The following BMP6 variants were observed in gnomAD, a reference collection of about 807,000 sequenced individuals.
The protein encoded by BMP6 is VG-1-R.
A neutral mutation model predicts 54.1 loss-of-function variants in BMP6; 17 were observed. The ratio of observed to expected loss-of-function variants is 0.31; its 90% CI spans 0.22 to 0.47. The LOEUF (loss-of-function observed/expected upper bound fraction) is 0.47, where lower values mean the gene tolerates loss of function less well. Ranked by LOEUF, BMP6 falls within the 20% of genes least tolerant of loss-of-function variation. BMP6 has a pLI of 1.00. For missense variants in BMP6, 720 were observed against 690.4 expected (o/e 1.04, Z -0.48); for synonymous variants, 328 against 291.2 (o/e 1.13, Z -1.28).
chr6:7,858,983 A>G (rs267840), intron 2 of BMP6, among the ~76,000 whole-genome samples: 11,482 of 152,030 alleles, frequency 0.076, 620 homozygotes, highest in Middle Eastern at 0.19. Context: ...ACGCAAATTC[A>G]TGGGGCCCCA....
At chr6:7,774,834 G>A (rs1284309083) in intron 1 of BMP6, among the ~76,000 whole-genome samples, 1 of 152,198 alleles carries the variant, frequency 6.6e-6, no homozygotes, top group Non-Finnish European at 1.5e-5. Flanking sequence ...CAATTATAAA[G>A]AAAAGAAAAT....
At chr6:7,806,166 G>A (rs576788061) in intron 1 of BMP6, among the ~76,000 whole-genome samples, 1 of 152,372 alleles carries the variant, frequency 6.6e-6, no homozygotes, top group African/African-American at 2.4e-5. Context: ...GGCAAGCACT[G>A]CTCTGGGGAT....
rs532374754 is a variant in BMP6, at chr6:7,840,839, G to A, written c.665-4301G>A. On this transcript the variant is annotated intron_variant, in intron 1 of 6. Coordinates refer to ENST00000283147, the MANE Select transcript of BMP6 (RefSeq NM_001718.6). ...GAATTATTGCCTCAGAGAACACAGC[G>A]CCGCATTCAGGAGCCAGCCACCAAG... 3.9e-5 allele frequency among the ~76,000 whole-genome samples: 6 copies of A among 152,150 alleles called. No individual in the cohort carries two copies. The South Asian group carries it at 1.0e-3, about 26-fold the overall frequency.
At chr6:7,769,930 T>A (rs1436102765) in intron 1 of BMP6, among the ~76,000 whole-genome samples, 1 of 152,160 alleles carries the variant, frequency 6.6e-6, no homozygotes, top group Middle Eastern at 3.2e-3. Flanking sequence ...TAATGTTGAG[T>A]CATTCTTGCA....
intron 1 of BMP6, among the ~76,000 whole-genome samples, chr6:7,793,385 T>C (rs1417111785): frequency 1.3e-5 from 2 of 152,110 alleles, no homozygotes; most frequent in East Asian, 1.9e-4. Flanking sequence ...GAGGGATGAA[T>C]AGATGGAGCC....
At chr6:7,732,468 T>G (rs749765492) in intron 1 of BMP6, among the ~76,000 whole-genome samples, 6 of 152,218 alleles carry the variant, frequency 3.9e-5, no homozygotes, top group Non-Finnish European at 8.8e-5. Context: ...GAATCATGGT[T>G]AGTTCCTCTA....
chr6:7,759,705 T>TC (rs2113139575), intron 1 of BMP6, among the ~76,000 whole-genome samples: 2 of 129,310 alleles, frequency 1.5e-5, no homozygotes, highest in African/African-American at 6.2e-5. Flanking sequence ...TCTTTTTTTT[T>TC]TTTTTTTTTT....
chr6:7,813,108 A>AAAAAAAAAAAAAT (rs1554122651), intron 1 of BMP6, among the ~76,000 whole-genome samples: 4 of 21,494 alleles, frequency 1.9e-4, no homozygotes, highest in Non-Finnish European at 2.3e-4. Context: ...AAAAAAAAAA[A>AAAAAAAAAAAAAT]ATATATATAT....
In BMP6 at chr6:7,862,319, G is replaced by C; in HGVS notation, c.1025G>C (p.Arg342Pro). The C allele has an allele frequency of 6.2e-7, 1 of 1,614,172 alleles. No individual in the cohort carries two copies. Among genetic ancestry groups the C allele is most frequent in the Non-Finnish European group, 8.5e-7 (1 of 1,180,036 alleles). ...ATTAAAGGAGTCCACGTCCACCCCC[G>C]AGCCGCAGGCCTGGTGGGCAGAGAC... ...VTRDGVHVHP[R>P]AAGLVGRDGP... Residue 342 changes from arginine to proline, a missense_variant, in exon 4 of 7, where the codon CGA becomes CCA. Physicochemically the swap from Arg to Pro is moderately radical, Grantham distance 103. This residue lies in a region of BMP6 where 650 missense variants were observed against 556.3 expected (regional missense o/e 1.17). Coordinates refer to ENST00000283147, the MANE Select transcript of BMP6 (RefSeq NM_001718.6).
intron 1 of BMP6, among the ~76,000 whole-genome samples, chr6:7,742,243 C>T (rs1255714753): frequency 6.6e-6 from 1 of 152,062 alleles, no homozygotes; most frequent in Non-Finnish European, 1.5e-5. Context: ...TATTATTTTC[C>T]TTCTATCTGA....
chr6:7,770,740 G>A (rs1757770863), intron 1 of BMP6, among the ~76,000 whole-genome samples: 1 of 152,196 alleles, frequency 6.6e-6, no homozygotes. Flanking sequence ...TTCTAGGAAA[G>A]GGGGCTGGGA....
rs549284130 is a variant in BMP6, at chr6:7,751,031, T to G, written c.664+23412T>G. On this transcript the variant is annotated intron_variant, in intron 1 of 6. Transcript: ENST00000283147. ...CTTGGCTACAACCCAAAGTTTCAAA[T>G]GTTGTTGGATTACTCTCTTCCCGGC... is the stretch of plus-strand genomic sequence containing the variant. Among the ~76,000 whole-genome samples, 72 of 152,332 alleles carry G rather than the reference T, an allele frequency of 4.7e-4. 1 individual carries two copies. Among genetic ancestry groups the G allele is most frequent in the African/African-American group, 1.6e-3 (65 of 41,580 alleles).
chr6:7,790,251 A>G (rs112504467), intron 1 of BMP6, among the ~76,000 whole-genome samples: 11 of 152,260 alleles, frequency 7.2e-5, no homozygotes, highest in African/African-American at 2.6e-4. Context: ...GCAGTGGCTC[A>G]CGCCCGTAAC....
chr6:7,854,390 A>C (rs1759192138), intron 2 of BMP6, among the ~76,000 whole-genome samples: 1 of 152,238 alleles, frequency 6.6e-6, no homozygotes, highest in Admixed American at 6.5e-5. Context: ...TTTTTAAAAA[A>C]AAAAAATCAA....
At chr6:7,809,902 T>C (rs141894040) in intron 1 of BMP6, among the ~76,000 whole-genome samples, 1 of 152,264 alleles carries the variant, frequency 6.6e-6, no homozygotes, top group Non-Finnish European at 1.5e-5. Flanking sequence ...AGTGAGATTA[T>C]TAAAATAGAT....
At chr6:7,785,695 TAAAAA>T (rs899508924) in intron 1 of BMP6, among the ~76,000 whole-genome samples, 1 of 151,902 alleles carries the variant, frequency 6.6e-6, no homozygotes, top group Non-Finnish European at 1.5e-5. Flanking sequence ...TCTTTTGCCT[TAAAAA>T]AAAGTCTGTT....
At chr6:7,852,231 T>C (rs1008773735) in intron 2 of BMP6, among the ~76,000 whole-genome samples, 4 of 152,234 alleles carry the variant, frequency 2.6e-5, no homozygotes, top group Non-Finnish European at 5.9e-5. Flanking sequence ...TATTAAGGCT[T>C]ATCTGTTTAT....
chr6:7,856,904 A>AT (rs1759249829), intron 2 of BMP6, among the ~76,000 whole-genome samples: 2 of 152,034 alleles, frequency 1.3e-5, no homozygotes, highest in African/African-American at 4.8e-5. Flanking sequence ...CCTCAAGAGC[A>AT]TTTTTCTATC....
intron 1 of BMP6, among the ~76,000 whole-genome samples, chr6:7,737,992 A>G (rs1041011191): frequency 2.6e-5 from 4 of 151,196 alleles, no homozygotes; most frequent in Admixed American, 1.3e-4. Context: ...CTTTTTTGTA[A>G]TATCTTGTTC....
Sources: allele counts gnomAD v4.1 joint callset (sites outside exome capture counted in the v4.1 genomes callset), GRCh38; gene constraint gnomAD v4.1.1; regional missense constraint gnomAD v4.1.1; transcripts MANE v1.5; gene names NCBI Gene and HGNC (gene_info 2026-07-23, HGNC 2026-07-21).